The following VAV2 variants were observed in gnomAD, a reference collection of about 807,000 sequenced individuals.
VAV2 encodes guanine nucleotide exchange factor VAV2.
In VAV2, 67 loss-of-function variants were observed where a neutral mutation model predicts 132.5. The observed-to-expected ratio is 0.51, with a 90% CI of 0.42 to 0.62. The LOEUF is 0.62. VAV2 is among the 20% of genes least tolerant of loss of function. The probability of loss-of-function intolerance (pLI) is 0.00; values close to 1 mark genes in which losing one functional copy is unlikely to be tolerated. For synonymous variants in VAV2, 492 were observed against 443.5 expected (o/e 1.11, Z -1.37); for missense variants, 938 against 1,153.6 (o/e 0.81, Z 2.71).
At chr9:133,812,411 C>G (rs536056567) in intron 4 of VAV2, among the ~76,000 whole-genome samples, 195 bp from the exon 5 acceptor site, 1 of 152,224 alleles carries the variant, frequency 6.6e-6, no homozygotes, top group Admixed American at 6.5e-5. Flanking sequence ...CAGCGTAAGG[C>G]GCATCCTCCA....
intron 3 of VAV2, among the ~76,000 whole-genome samples, chr9:133,848,751 A>G (rs1470884130): frequency 6.6e-6 from 1 of 152,218 alleles, no homozygotes; most frequent in Non-Finnish European, 1.5e-5. Context: ...CTCTGGGCCC[A>G]GGCAGGCTCC....
chr9:133,777,842 G>A (rs1205158895), intron 22 of VAV2, among the ~76,000 whole-genome samples: 1 of 152,204 alleles, frequency 6.6e-6, no homozygotes, highest in Non-Finnish European at 1.5e-5. Flanking sequence ...ATCCATCACC[G>A]AGTATGGACT....
intron 1 of VAV2, among the ~76,000 whole-genome samples, chr9:133,968,662 C>A (rs1010628284): frequency 2.6e-5 from 4 of 152,162 alleles, no homozygotes; most frequent in African/African-American, 9.7e-5. Context: ...CACACACTGA[C>A]CCATCACAGA....
chr9:133,792,825 G>T (rs1834550876), intron 12 of VAV2, among the ~76,000 whole-genome samples: 1 of 151,688 alleles, frequency 6.6e-6, no homozygotes, highest in Non-Finnish European at 1.5e-5. Context: ...GGCAGGAAAG[G>T]GAACACACTG....
At chr9:133,955,225 A>C in intron 1 of VAV2, among the ~76,000 whole-genome samples, 1 of 151,824 alleles carries the variant, frequency 6.6e-6, no homozygotes, top group East Asian at 1.9e-4. Context: ...CTAAACCTTC[A>C]ATCACCCAGA....
chr9:133,966,501 T>A (rs1405898321), intron 1 of VAV2, among the ~76,000 whole-genome samples: 1 of 151,512 alleles, frequency 6.6e-6, no homozygotes, highest in Non-Finnish European at 1.5e-5. Flanking sequence ...AGGCCAGGAG[T>A]TCGAGACTGG....
chr9:133,948,437 A>T (rs2132169904), intron 1 of VAV2, among the ~76,000 whole-genome samples: 1 of 152,180 alleles, frequency 6.6e-6, no homozygotes, highest in African/African-American at 2.4e-5. Flanking sequence ...TTCTTCGTGC[A>T]TATCAAGGTC....
chr9:133,887,779 T>C (rs868547154), intron 2 of VAV2, among the ~76,000 whole-genome samples: 12 of 151,592 alleles, frequency 7.9e-5, no homozygotes, highest in African/African-American at 2.9e-4. Flanking sequence ...CCCCTGCCCC[T>C]GCCTCTGCCT....
chr9:133,767,433 G>C (rs1469338300), intron 29 of VAV2, among the ~76,000 whole-genome samples: 1 of 152,202 alleles, frequency 6.6e-6, no homozygotes, highest in Non-Finnish European at 1.5e-5. Flanking sequence ...ACTCAAACTA[G>C]TTGTTCTAAA....
intron 2 of VAV2, among the ~76,000 whole-genome samples, chr9:133,929,034 T>C (rs2132100498): frequency 6.6e-6 from 1 of 152,282 alleles, no homozygotes. Context: ...CCATCTGGAA[T>C]CTCCCGCCCA....
rs767232783 is a variant in VAV2 at position 133,806,163 on chromosome 9, G to A, written c.754C>T (p.His252Tyr). Reference sequence around the variant, plus strand: ...ACGTCGATGGCCCTCAGGAAGCTGTGATGCACCTTGATCAGGTCCTGGGTT... The same window carrying A: ...ACGTCGATGGCCCTCAGGAAGCTGTAATGCACCTTGATCAGGTCCTGGGTT... ...INLEDLIKVHHSFLRAIDVSV... is the reference protein window; with the variant it reads ...INLEDLIKVHYSFLRAIDVSV... Residue 252 changes from histidine (H) to tyrosine (Y), a missense_variant, in exon 9 of 30, where the codon CAC becomes TAC. By Grantham distance (83) the His-to-Tyr change is moderately conservative (BLOSUM62 2). Coordinates refer to ENST00000371850, the MANE Select transcript of VAV2 (RefSeq NM_001134398.2). The A allele has an allele frequency of 1.9e-6, 3 of 1,612,490 alleles. No individual in the cohort carries two copies. Among genetic ancestry groups the A allele is most frequent in the Non-Finnish European group, 2.5e-6 (3 of 1,179,806 alleles).
At chr9:133,875,586 G>A (rs1838229723) in intron 2 of VAV2, among the ~76,000 whole-genome samples, 1 of 152,236 alleles carries the variant, frequency 6.6e-6, no homozygotes, top group Middle Eastern at 3.2e-3. Flanking sequence ...GGCACAGACT[G>A]CCCGGCACTG....
chr9:133,778,036 C>T (rs992409233), intron 22 of VAV2, among the ~76,000 whole-genome samples: 2 of 152,116 alleles, frequency 1.3e-5, no homozygotes, highest in African/African-American at 4.8e-5. Context: ...GTAGAGGGGC[C>T]GAGGACTGGG....
chr9:133,922,857 C>T (rs1840344952), intron 2 of VAV2, among the ~76,000 whole-genome samples: 1 of 152,342 alleles, frequency 6.6e-6, no homozygotes, highest in South Asian at 2.1e-4. Context: ...AATGAGACTA[C>T]ATCAGACTCT....
intron 9 of VAV2, among the ~76,000 whole-genome samples, chr9:133,798,106 T>TC (rs1834793519): frequency 6.6e-6 from 1 of 151,492 alleles, no homozygotes; most frequent in East Asian, 1.9e-4. Context: ...GCTCTCAACC[T>TC]CCCATCCCAC....
At chr9:133,816,574 G>T (rs12337328) in intron 4 of VAV2, among the ~76,000 whole-genome samples, 36,092 of 152,054 alleles carry the variant, frequency 0.24, 5,021 homozygotes, top group African/African-American at 0.39. Context: ...TTCTCAAAAC[G>T]CCTCTTTTTC....
At chr9:133,807,218 C>A in intron 8 of VAV2, 40 bp downstream of exon 8, 1 of 1,593,032 alleles carries the variant, frequency 6.3e-7, no homozygotes, top group South Asian at 1.1e-5. Flanking sequence ...CGAGTTAGGG[C>A]CCCGAGCCTG....
intron 1 of VAV2, among the ~76,000 whole-genome samples, chr9:133,987,549 A>G (rs2132311944): frequency 6.6e-6 from 1 of 152,356 alleles, no homozygotes; most frequent in East Asian, 1.9e-4. Flanking sequence ...CAGGGAGCAC[A>G]GGGAGTTGAG....
intron 2 of VAV2, among the ~76,000 whole-genome samples, chr9:133,907,292 G>C (rs1026007619): frequency 2.0e-5 from 3 of 152,214 alleles, no homozygotes; most frequent in Non-Finnish European, 2.9e-5. Context: ...CACCAGGCCA[G>C]CTCAGAGCCC....
Sources: gnomAD v4.1 joint callset for allele counts (sites outside exome capture counted in the v4.1 genomes callset) on GRCh38, gnomAD v4.1.1 for gene constraint, MANE v1.5 for transcripts, NCBI Gene and HGNC (gene_info 2026-07-23, HGNC 2026-07-21) for gene names.